PIP5KL1: variants seen among roughly 807,000 people sequenced by gnomAD.
PIP5KL1 encodes the protein phosphatidylinositol-4-phosphate 5-kinase like 1.
Under a neutral mutation model 47.6 loss-of-function variants are expected in PIP5KL1, and 45 were observed. The observed-to-expected ratio is 0.94, with a 90% confidence interval of 0.74 to 1.21. PIP5KL1 has a LOEUF of 1.21. Ranked by LOEUF, PIP5KL1 falls within the 50% of genes most tolerant of loss-of-function variation. The pLI, the probability that PIP5KL1 is intolerant of heterozygous loss-of-function variation, is 0.00. For missense variants in PIP5KL1, 577 were observed against 547.6 expected (o/e 1.05, Z -0.54); for synonymous variants, 256 against 234.6 (o/e 1.09, Z -0.84).
In PIP5KL1 at chr9:127,925,772, G is replaced by A. The variant is rs1831353350; in HGVS notation, c.763+95C>T. The stretch of plus-strand genomic sequence containing the variant: ...AGCCACGGCGCCCGGCCGAATCTGG[G>A]CTCTTAATAACTCAGGCAGAGGGCA... On this transcript the variant is annotated intron_variant, in intron 8 of 9. Transcript: ENST00000388747. The A allele has an allele frequency of 2.7e-6, 3 of 1,105,264 alleles. No individual in the cohort carries two copies. In the East Asian group the frequency reaches 7.1e-5, roughly 26 times the overall value. The allele number at this position is 1,105,264 out of a possible 1,614,324, so 68.5% of individuals were successfully genotyped here.
At position 127,927,180 on chromosome 9, in the gene PIP5KL1, A is replaced by T; in HGVS notation, c.623T>A (p.Phe208Tyr). 6.2e-7 allele frequency: 1 copy of T among 1,612,576 alleles called. No homozygotes were observed. The highest frequency in any genetic ancestry group is 8.5e-7 in the Non-Finnish European group (1 of 1,179,246). The change falls in exon 7 of 10, where the codon TTC becomes TAC. Residue 208 changes from phenylalanine (F) to tyrosine (Y), a missense_variant. Transcript: ENST00000388747. This position sits in a 1 kb window ranked among gnomAD's most constrained non-coding sequence, Gnocchi z 5.5. ...CTCGGAGATGCGGCCGGCGGGGTAG[A>T]AGACGCTCTGCATGACGATGAAGTA... The part of the protein sequence containing the change: ...KTYFIVMQSV[F>Y]YPAGRISERY...
Position 127,929,676 on chromosome 9 carries a change from T to C in PIP5KL1, c.228+12A>G, listed in dbSNP as rs995033207. On this transcript the variant is annotated intron_variant, in intron 2 of 9. Transcript: ENST00000388747. The surrounding 1 kb of genome is among the most constrained non-coding windows in gnomAD (Gnocchi z 4.0). ...CTGGTGTGGAGATTCGTGGGACAGA[T>C]GGGCCACTCACCGTGGGTGGGTGGT... is the stretch of plus-strand genomic sequence containing the variant. The C allele has an allele frequency of 1.3e-6, 2 of 1,544,800 alleles. No homozygotes were observed. The highest frequency in any genetic ancestry group is 2.7e-5 in the African/African-American group (2 of 73,296).
chr9:127,928,144 A>T lies in PIP5KL1; in HGVS notation c.355T>A (p.Tyr119Asn). 1 of 1,545,740 alleles carries T rather than the reference A, an allele frequency of 6.5e-7. No individual in the cohort carries two copies. The highest frequency in any genetic ancestry group is 8.7e-7 in the Non-Finnish European group (1 of 1,146,368). ...CCGCCGGGGCCCAGGGCAGCCTGAT[A>T]GTCCTCCTCCGCCAGGCCCAGGGAG... ...RRSLGLAEED[Y>N]QAALGPGGPY... Residue 119 changes from tyrosine (Y) to asparagine (N), a missense_variant, in exon 4 of 10, where the codon TAT becomes AAT. Physicochemically the swap from Tyr to Asn is moderately radical, Grantham distance 143. Transcript: ENST00000388747.
rs376464217 is a variant in PIP5KL1 at position 127,928,490 on chromosome 9, G to T, written c.229-7C>A. On this transcript the variant is annotated splice_region_variant and splice_polypyrimidine_tract_variant and intron_variant, in intron 2 of 9. Coordinates refer to ENST00000388747, the MANE Select transcript of PIP5KL1 (RefSeq NM_001135219.2). ...CGTCCCGGGAGGGCGGCCCCTGCAG[G>T]GAGAGGTAGAGGAGCTCAGGGCAAC... 101 of 1,588,194 alleles carry T rather than the reference G, an allele frequency of 6.4e-5. 1 individual carries two copies. The Admixed American group carries it at 6.7e-4, about 10-fold the overall frequency.
chr9:127,930,672 C>T lies in PIP5KL1; in HGVS notation c.30+51G>A, dbSNP rs970156234. Reference sequence around the variant, plus strand: ...GCCGCTCGCCGAGGGGAGGCCCGGCCCCTGCCCACCAACCCTTCCCTCTCC... The same window carrying T: ...GCCGCTCGCCGAGGGGAGGCCCGGCTCCTGCCCACCAACCCTTCCCTCTCC... On this transcript the variant is annotated intron_variant, in intron 1 of 9. Coordinates refer to ENST00000388747, the MANE Select transcript of PIP5KL1 (RefSeq NM_001135219.2). The T allele has an allele frequency of 4.7e-6, 7 of 1,498,846 alleles. No individual in the cohort carries two copies. The Admixed American group carries it at 6.4e-5, about 14-fold the overall frequency. The allele number at this position is 1,498,846 out of a possible 1,614,324, so 92.8% of individuals were successfully genotyped here.
chr9:127,927,861 C>G lies in PIP5KL1; in HGVS notation c.435-89G>C. On this transcript the variant is annotated intron_variant, in intron 4 of 9. Transcript: ENST00000388747. The surrounding 1 kb of genome is among the most constrained non-coding windows in gnomAD (Gnocchi z 5.5). ...TTCCCCGACCTGTGCACGTGGATCTCGCTCCCAGGTCTCGGCACCGCCTCT... is the reference window on the plus strand; with the variant it reads ...TTCCCCGACCTGTGCACGTGGATCTGGCTCCCAGGTCTCGGCACCGCCTCT... The G allele has an allele frequency of 3.3e-6, 5 of 1,503,950 alleles. No homozygotes were observed. Among genetic ancestry groups the G allele is most frequent in the Non-Finnish European group, 4.4e-6 (5 of 1,132,808 alleles). The allele number at this position is 1,503,950 out of a possible 1,614,324, so 93.2% of individuals were successfully genotyped here. A position where few individuals can be genotyped will look rare whatever the true frequency, so the allele number is the denominator to read the frequency against.
Position 127,927,530 on chromosome 9 carries a change from C to T in PIP5KL1, c.559+118G>A. ...TGCCCCGCCCCCACGTATGGCCCCA[C>T]CCCCATGCCCTACAACCCCAAATCC... On this transcript the variant is annotated intron_variant, in intron 5 of 9. Coordinates refer to ENST00000388747, the MANE Select transcript of PIP5KL1 (RefSeq NM_001135219.2). The surrounding 1 kb of genome is among the most constrained non-coding windows in gnomAD (Gnocchi z 5.5). 3 of 1,441,064 alleles carry T rather than the reference C, an allele frequency of 2.1e-6. No homozygotes were observed. The highest frequency in any genetic ancestry group is 2.9e-5 in the South Asian group (2 of 69,514). The allele number at this position is 1,441,064 out of a possible 1,614,324, so 89.3% of individuals were successfully genotyped here. A position where few individuals can be genotyped will look rare whatever the true frequency, so the allele number is the denominator to read the frequency against.
At position 127,925,991 on chromosome 9, in the gene PIP5KL1, GA is replaced by G. The variant is rs1564137647; in HGVS notation, c.651-13del. 3.8e-6 allele frequency: 6 copies of G among 1,593,096 alleles called. No homozygotes were observed. Among genetic ancestry groups the G allele is most frequent in the Middle Eastern group, 1.7e-4 (1 of 6,008 alleles). On this transcript the variant is annotated splice_polypyrimidine_tract_variant and intron_variant, in intron 7 of 9. Coordinates refer to ENST00000388747, the MANE Select transcript of PIP5KL1 (RefSeq NM_001135219.2). ...CTTTGATGTCATACCTGGGTGGGGG[GA>G]CAGAATTCAGCTTTACATAGATTTG...
At position 127,921,993 on chromosome 9, in the gene PIP5KL1, C is replaced by CGACGCCCAGGAAATG; in HGVS notation, c.1038_1039insCATTTCCTGGGCGTC (p.Val346_Val347insHisPheLeuGlyVal). 1 of 1,577,560 alleles carries CGACGCCCAGGAAATG rather than the reference C, an allele frequency of 6.3e-7. No homozygotes were observed. Among genetic ancestry groups the CGACGCCCAGGAAATG allele is most frequent in the South Asian group, 1.2e-5 (1 of 86,514 alleles). On this transcript the variant is annotated inframe_insertion, in exon 10 of 10. Coordinates refer to ENST00000388747, the MANE Select transcript of PIP5KL1 (RefSeq NM_001135219.2). Reference sequence around the variant, plus strand: ...AGCCCGTAGACTGTGGCGAGATCCACGACGCCCAGGAAATAGCGCTGCTCG... The same window carrying CGACGCCCAGGAAATG: ...AGCCCGTAGACTGTGGCGAGATCCACGACGCCCAGGAAATGGACGCCCAGGAAATAGCGCTGCTCG...
chr9:127,925,464 T>C, intron 8 of PIP5KL1: 3 of 587,006 alleles, frequency 5.1e-6, no homozygotes, highest in Non-Finnish European at 8.7e-6. Context: ...AGAATCTCTT[T>C]TATTTTTATT....
chr9:127,930,585 G>T, intron 1 of PIP5KL1, 138 bp downstream of exon 1: 3 of 1,089,454 alleles, frequency 2.8e-6, no homozygotes, highest in Non-Finnish European at 2.5e-6. Flanking sequence ...CCCCGTGTGG[G>T]GCGTGTCCTG....
chr9:127,927,259 C>T lies in PIP5KL1; in HGVS notation c.594+38G>A. The T allele has an allele frequency of 6.2e-7, 1 of 1,611,374 alleles. No homozygotes were observed. Among genetic ancestry groups the T allele is most frequent in the Non-Finnish European group, 8.5e-7 (1 of 1,179,286 alleles). On this transcript the variant is annotated intron_variant, in intron 6 of 9. Coordinates refer to ENST00000388747, the MANE Select transcript of PIP5KL1 (RefSeq NM_001135219.2). This position sits in a 1 kb window ranked among gnomAD's most constrained non-coding sequence, Gnocchi z 5.5. ...GAGGCCGGCTGTCGCCCTCCAGCCGCCCGCTCCGCCCAGCCACCTCGCCTC... is the reference window on the plus strand; with the variant it reads ...GAGGCCGGCTGTCGCCCTCCAGCCGTCCGCTCCGCCCAGCCACCTCGCCTC...
In PIP5KL1 at chr9:127,930,716, C is replaced by T; in HGVS notation, c.30+7G>A. ...CCTCTCCTGTCCTCTCTCGGGTCCG[C>T]ACCTACCTCGCGGGGCCCCGGGCTC... On this transcript the variant is annotated splice_region_variant and intron_variant, in intron 1 of 9. Coordinates refer to ENST00000388747, the MANE Select transcript of PIP5KL1 (RefSeq NM_001135219.2). 1 of 1,572,118 alleles carries T rather than the reference C, an allele frequency of 6.4e-7. No homozygotes were observed. The highest frequency in any genetic ancestry group is 1.8e-5 in the Admixed American group (1 of 56,480).
At position 127,925,265 on chromosome 9, in the gene PIP5KL1, C is replaced by T. The variant is rs780189880; in HGVS notation, c.764-5G>A. The T allele has an allele frequency of 1.7e-5, 27 of 1,611,096 alleles. No individual in the cohort carries two copies. In the East Asian group the frequency reaches 3.3e-4, roughly 20 times the overall value. Reference sequence around the variant, plus strand: ...GGAACCAGCTCCGCTGGGGCCCTGCCGGAGCATCAGTGCCCCCACCTGAGC... The same window carrying T: ...GGAACCAGCTCCGCTGGGGCCCTGCTGGAGCATCAGTGCCCCCACCTGAGC... On this transcript the variant is annotated splice_region_variant and splice_polypyrimidine_tract_variant and intron_variant, in intron 8 of 9. Coordinates refer to ENST00000388747, the MANE Select transcript of PIP5KL1 (RefSeq NM_001135219.2).
chr9:127,929,861 C>A lies in PIP5KL1; in HGVS notation c.55G>T (p.Gly19Ter). Residue 19 changes from glycine to a stop codon, truncating the protein, a stop_gained, in exon 2 of 10, where the codon GGA becomes TGA. Transcript: ENST00000388747. LOFTEE classifies it high-confidence loss of function. This position sits in a 1 kb window ranked among gnomAD's most constrained non-coding sequence, Gnocchi z 4.0. The part of the protein sequence containing the change: ...REVLAPSPEA[G>*]CRAVTSSRRG... ...CGGCTGGAGGTGACTGCTCTGCATC[C>A]AGCCTCAGGGGAGGGGGCCAGGACC... 6.5e-6 allele frequency: 10 copies of A among 1,540,128 alleles called. No individual in the cohort carries two copies. The highest frequency in any genetic ancestry group is 8.7e-6 in the Non-Finnish European group (10 of 1,143,456).
At chr9:127,925,517 G>A (rs550075766) in intron 8 of PIP5KL1, 15 of 495,784 alleles carry the variant, frequency 3.0e-5, no homozygotes, top group South Asian at 3.0e-4. Flanking sequence ...ACAGGCTGGA[G>A]TGCAGTGGCG....
At position 127,929,832 on chromosome 9, in the gene PIP5KL1, C is replaced by T; in HGVS notation, c.84G>A (p.Arg28=). ...TGTCTCGGAGGCGCCAGAGAAGCCC[C>T]CGCCGGCTGGAGGTGACTGCTCTGC... The part of the protein sequence containing the change: ...AGCRAVTSSR[R]GLLWRLRDKQ... The change falls in exon 2 of 10, where the codon CGG becomes CGA. Residue 28 remains arginine (R), a synonymous_variant. Coordinates refer to ENST00000388747, the MANE Select transcript of PIP5KL1 (RefSeq NM_001135219.2). This position sits in a 1 kb window ranked among gnomAD's most constrained non-coding sequence, Gnocchi z 4.0. The T allele has an allele frequency of 6.5e-7, 1 of 1,547,754 alleles. No homozygotes were observed. The highest frequency in any genetic ancestry group is 8.7e-7 in the Non-Finnish European group (1 of 1,146,782).
In PIP5KL1 at chr9:127,929,629, C is replaced by T; in HGVS notation, c.228+59G>A. On this transcript the variant is annotated intron_variant, in intron 2 of 9. Coordinates refer to ENST00000388747, the MANE Select transcript of PIP5KL1 (RefSeq NM_001135219.2). This position sits in a 1 kb window ranked among gnomAD's most constrained non-coding sequence, Gnocchi z 4.0. ...CACCTGCAGTTTCAGCCAGACAGGG[C>T]ATCAGCCAAGTCTTGCCATTGCTGG... 6.9e-7 allele frequency: 1 copy of T among 1,446,142 alleles called. No homozygotes were observed. The highest frequency in any genetic ancestry group is 1.4e-5 in the African/African-American group (1 of 70,562). 89.6% of individuals were successfully genotyped at this position (1,446,142 alleles called of 1,614,324 possible). A position where few individuals can be genotyped will look rare whatever the true frequency, so the allele number is the denominator to read the frequency against.
chr9:127,927,292 C>T lies in PIP5KL1; in HGVS notation c.594+5G>A. On this transcript the variant is annotated splice_donor_5th_base_variant and intron_variant, in intron 6 of 9. Transcript: ENST00000388747. This position sits in a 1 kb window ranked among gnomAD's most constrained non-coding sequence, Gnocchi z 5.5. Reference sequence around the variant, plus strand: ...GCCCAGCCACCTCGCCTCGGCTTCACCCACCTTCTTTCCCCGGTCCACCCG... The same window carrying T: ...GCCCAGCCACCTCGCCTCGGCTTCATCCACCTTCTTTCCCCGGTCCACCCG... 1.9e-6 allele frequency: 3 copies of T among 1,611,478 alleles called. No homozygotes were observed. Among genetic ancestry groups the T allele is most frequent in the Non-Finnish European group, 2.5e-6 (3 of 1,179,394 alleles).
Sources: gnomAD v4.1 joint callset for allele counts on GRCh38, gnomAD v4.1.1 for gene constraint, Gnocchi (gnomAD v3.1) non-coding constraint, MANE v1.5 for transcripts, NCBI Gene and HGNC (gene_info 2026-07-23, HGNC 2026-07-21) for gene names.